Variants in STOX1 observed in about 807,000 individuals in gnomAD.
STOX1 encodes storkhead box 1, also known as storkhead-box protein 1.
Under a neutral mutation model 74.8 loss-of-function variants are expected in STOX1, and 57 were observed. The ratio of observed to expected loss-of-function variants is 0.76; its 90% CI spans 0.62 to 0.95. The LOEUF (loss-of-function observed/expected upper bound fraction) is 0.95, where lower values mean the gene tolerates loss of function less well. Ranked by LOEUF, STOX1 falls within the 40% of genes least tolerant of loss-of-function variation. STOX1 has a pLI of 0.00. For synonymous variants in STOX1, 375 were observed against 401.3 expected (o/e 0.93, Z 0.78); for missense variants, 1,010 against 1,117.0 (o/e 0.90, Z 1.37).
Position 68,892,632 on chromosome 10 carries a change from C to A in STOX1, c.2866C>A (p.Leu956Ile), listed in dbSNP as rs759086040. The A allele has an allele frequency of 2.0e-5, 32 of 1,613,558 alleles. No individual in the cohort carries two copies. In the South Asian group the frequency reaches 3.4e-4, roughly 17 times the overall value. The change falls in exon 4 of 4, where the codon CTA (leucine) becomes ATA (isoleucine). Residue 956 changes from leucine to isoleucine, a missense_variant. Transcript: ENST00000298596. ...GSNNSVILDG[L>I]KRRQNFLQNV... ...TAATAATTCAGTCATTTTGGATGGA[C>A]TAAAAAGAAGACAGAATTTTCTGCA...
At position 68,892,515 on chromosome 10, in the gene STOX1, G is replaced by T. The variant is rs76127145; in HGVS notation, c.2823-74G>T. 12,501 of 1,383,364 alleles carry T rather than the reference G, an allele frequency of 9.0e-3. 660 individuals are homozygous for T. In the African/African-American group the frequency reaches 0.13, roughly 15 times the overall value. The allele number at this position is 1,383,364 out of a possible 1,614,324, so 85.7% of individuals were successfully genotyped here. On this transcript the variant is annotated intron_variant, in intron 3 of 3. Coordinates refer to ENST00000298596, the MANE Select transcript of STOX1 (RefSeq NM_152709.5). ...AATGTACTACTTCAAAGTAGCAAAT[G>T]GAAGTATAATGCCTTGGTTAGAAAT...
downstream of STOX1, among the ~76,000 whole-genome samples, chr10:68,894,202 G>C (rs1371900807): frequency 6.6e-6 from 1 of 152,034 alleles, no homozygotes; most frequent in Non-Finnish European, 1.5e-5. Flanking sequence ...TGGGATTACA[G>C]GTGTGCACCA....
At chr10:68,851,416 TGTG>T (rs780941490) in intron 1 of STOX1, among the ~76,000 whole-genome samples, 1 of 152,126 alleles carries the variant, frequency 6.6e-6, no homozygotes, top group Non-Finnish European at 1.5e-5. Flanking sequence ...ATGATCCAAT[TGTG>T]GTAGTAAAAA....
intron 1 of STOX1, among the ~76,000 whole-genome samples, chr10:68,875,936 A>G (rs1840664318): frequency 6.6e-6 from 1 of 152,062 alleles, no homozygotes; most frequent in South Asian, 2.1e-4. Flanking sequence ...AGAGCTCAGT[A>G]TTTTCATTTG....
chr10:68,866,962 T>C (rs866691436), intron 1 of STOX1, among the ~76,000 whole-genome samples: 36 of 151,356 alleles, frequency 2.4e-4, no homozygotes, highest in Middle Eastern at 3.4e-3. Context: ...TTTTTTTTTT[T>C]CGAGGCAGCC....
chr10:68,855,041 C>T (rs1249758315), intron 1 of STOX1, among the ~76,000 whole-genome samples: 1 of 151,976 alleles, frequency 6.6e-6, no homozygotes, highest in East Asian at 1.9e-4. Flanking sequence ...TCCCTTGAAC[C>T]TAGGAGTTTG....
At chr10:68,853,672 A>T (rs116165937) in intron 1 of STOX1, among the ~76,000 whole-genome samples, 2,186 of 147,608 alleles carry the variant, frequency 0.015, 79 homozygotes, top group African/African-American at 0.051. Context: ...CTTACCTTTC[A>T]TTTTTTTTTT....
In STOX1 at chr10:68,885,410, T is replaced by C. The variant is rs934803622; in HGVS notation, c.1614T>C (p.Asp538=). The change falls in exon 3 of 4, where the codon GAT becomes GAC. Residue 538 remains aspartate (D), a synonymous_variant. Transcript: ENST00000298596. ...CTTTCCAAAAGCCTAGGTCCTTGGATTCCTCAAGAATCTTTGATGGTAAAG... is the reference window on the plus strand; with the variant it reads ...CTTTCCAAAAGCCTAGGTCCTTGGACTCCTCAAGAATCTTTGATGGTAAAG... The part of the protein sequence containing the change: ...EKPFQKPRSL[D]SSRIFDGKAK... 1 of 1,614,168 alleles carries C rather than the reference T, an allele frequency of 6.2e-7. No individual in the cohort carries two copies. The highest frequency in any genetic ancestry group is 1.3e-5 in the African/African-American group (1 of 75,040).
intron 1 of STOX1, among the ~76,000 whole-genome samples, chr10:68,839,849 C>T (rs1412513294): frequency 6.6e-6 from 1 of 152,246 alleles, no homozygotes; most frequent in Non-Finnish European, 1.5e-5. Flanking sequence ...GAGATTGCGC[C>T]ACTACACAGA....
chr10:68,870,318 C>G (rs1840507437), intron 1 of STOX1, among the ~76,000 whole-genome samples: 1 of 152,072 alleles, frequency 6.6e-6, no homozygotes, highest in Non-Finnish European at 1.5e-5. Flanking sequence ...ATAATCTGTT[C>G]CAGGTTTCCT....
At chr10:68,842,799 A>G (rs113052102) in intron 1 of STOX1, among the ~76,000 whole-genome samples, 237 of 152,082 alleles carry the variant, frequency 1.6e-3, no homozygotes, top group Admixed American at 3.9e-3. Context: ...TTGGCCTCCC[A>G]AAGTGCTGGG....
At position 68,873,212 on chromosome 10, in the gene STOX1, C is replaced by T. The variant is rs574654548; in HGVS notation, c.311-8746C>T. 1.7e-4 allele frequency among the ~76,000 whole-genome samples: 25 copies of T among 150,022 alleles called. No individual in the cohort carries two copies. In the South Asian group the frequency reaches 2.5e-3, roughly 15 times the overall value. On this transcript the variant is annotated intron_variant, in intron 1 of 3. Transcript: ENST00000298596. ...GATAAGGATTCTTTTACTTCTGAGACGGAGCAGGGACCCTCTTTTTAGGGG... is the reference window on the plus strand; with the variant it reads ...GATAAGGATTCTTTTACTTCTGAGATGGAGCAGGGACCCTCTTTTTAGGGG...
At chr10:68,841,504 T>G (rs1564570717) in intron 1 of STOX1, among the ~76,000 whole-genome samples, 1 of 152,170 alleles carries the variant, frequency 6.6e-6, no homozygotes, top group Non-Finnish European at 1.5e-5. Flanking sequence ...ACATAAATGT[T>G]AGCATATTAC....
In STOX1 at chr10:68,836,161, C is replaced by T. The variant is rs115760730; in HGVS notation, c.310+8228C>T. 6.1e-3 allele frequency among the ~76,000 whole-genome samples: 924 copies of T among 152,354 alleles called. 12 individuals carry two copies. The highest frequency in any genetic ancestry group is 0.021 in the African/African-American group (865 of 41,580). ...CTGGGATTATGGGCGCGAGCCACCA[C>T]GCCCCGCCCTTGAGTTCAATTTTTT... is the stretch of plus-strand genomic sequence containing the variant. On this transcript the variant is annotated intron_variant, in intron 1 of 3. Coordinates refer to ENST00000298596, the MANE Select transcript of STOX1 (RefSeq NM_152709.5).
At chr10:68,889,187 G>T (rs1214885520) in intron 3 of STOX1, among the ~76,000 whole-genome samples, 1 of 152,086 alleles carries the variant, frequency 6.6e-6, no homozygotes, top group East Asian at 1.9e-4. Flanking sequence ...TACCAGTCTG[G>T]TCTCGAACTC....
At chr10:68,848,370 C>T (rs1385706408) in intron 1 of STOX1, among the ~76,000 whole-genome samples, 1 of 152,198 alleles carries the variant, frequency 6.6e-6, no homozygotes, top group Non-Finnish European at 1.5e-5. Context: ...AGCCCAGTGG[C>T]CTGCAAGACC....
At chr10:68,866,365 C>G (rs1019795035) in intron 1 of STOX1, among the ~76,000 whole-genome samples, 4 of 152,124 alleles carry the variant, frequency 2.6e-5, no homozygotes, top group African/African-American at 9.7e-5. Context: ...TCTACCAAAC[C>G]TTTAAATTTC....
At chr10:68,866,884 G>A (rs1033294636) in intron 1 of STOX1, among the ~76,000 whole-genome samples, 3 of 151,942 alleles carry the variant, frequency 2.0e-5, no homozygotes, top group South Asian at 2.1e-4. Context: ...GGCATTTCCC[G>A]AAATCGGGTT....
intron 1 of STOX1, among the ~76,000 whole-genome samples, chr10:68,838,659 C>T (rs1839618638): frequency 6.6e-6 from 1 of 151,934 alleles, no homozygotes; most frequent in African/African-American, 2.4e-5. Flanking sequence ...GCCTGTAATC[C>T]CAGCACTTTG....
Sources: allele counts gnomAD v4.1 joint callset (sites outside exome capture counted in the v4.1 genomes callset), GRCh38; gene constraint gnomAD v4.1.1; transcripts MANE v1.5; gene names NCBI Gene and HGNC (gene_info 2026-07-23, HGNC 2026-07-21).